SUGP2: variants seen among roughly 807,000 people sequenced by gnomAD.
SUGP2 encodes SURP and G-patch domain containing 2, also known as SURP and G-patch domain-containing protein 2.
In SUGP2, 24 loss-of-function variants were observed where a neutral mutation model predicts 90.5. The observed-to-expected ratio is 0.27, with a 90% confidence interval of 0.19 to 0.37. The LOEUF is 0.37. SUGP2 is among the 10% of genes least tolerant of loss of function. SUGP2 has a pLI of 1.00. For missense variants in SUGP2, 1,233 were observed against 1,363.3 expected, an observed-to-expected ratio of 0.90 and a Z score of 1.51; for synonymous variants, 473 against 513.4, an observed-to-expected ratio of 0.92 and a Z score of 1.06.
intron 5 of SUGP2, 102 bp from the exon 6 acceptor site, chr19:19,008,530 T>TCC: frequency 1.1e-6 from 1 of 901,912 alleles, no homozygotes. Context: ...GGCCTGCATG[T>TCC]CCCCTCCCTG....
At chr19:19,012,240 G>A (rs145162296) in intron 4 of SUGP2, among the ~76,000 whole-genome samples, 2 of 152,348 alleles carry the variant, frequency 1.3e-5, no homozygotes, top group East Asian at 3.8e-4. Flanking sequence ...GCCCTAATAA[G>A]CAATAGCGCT....
chr19:19,008,744 G>A (rs1043859984), intron 5 of SUGP2, among the ~76,000 whole-genome samples: 7 of 152,208 alleles, frequency 4.6e-5, no homozygotes, highest in Admixed American at 3.9e-4. Context: ...ATTGCCAGGT[G>A]AACAAACATG....
intron 6 of SUGP2, among the ~76,000 whole-genome samples, chr19:19,005,873 ACACACACACACACACACAC>A (rs1328669833): frequency 0.028 from 842 of 30,254 alleles, 12 homozygotes; most frequent in African/African-American, 0.093. Flanking sequence ...ACACACACAC[ACACACACACACACACACAC>A]CACACACACA....
At chr19:19,020,514 G>C (rs1047738067) in intron 3 of SUGP2, among the ~76,000 whole-genome samples, 2 of 150,532 alleles carry the variant, frequency 1.3e-5, no homozygotes. Context: ...TCCCATGACA[G>C]CTCACTGCAG....
At chr19:19,033,821 C>T (rs931981535), upstream of SUGP2, 2 of 268,994 alleles carry the variant, frequency 7.4e-6, no homozygotes, top group African/African-American at 2.2e-5. Flanking sequence ...GAGGCCAAGC[C>T]TAGGGGCGCC....
At chr19:19,028,218 C>T (rs1336525715) in intron 2 of SUGP2, among the ~76,000 whole-genome samples, 1 of 152,104 alleles carries the variant, frequency 6.6e-6, no homozygotes, top group South Asian at 2.1e-4. Flanking sequence ...TTTAAAAGGC[C>T]CCCAGGTGAC....
At chr19:19,006,071 A>G (rs995739570) in intron 6 of SUGP2, among the ~76,000 whole-genome samples, 9 of 152,080 alleles carry the variant, frequency 5.9e-5, no homozygotes, top group Non-Finnish European at 8.8e-5. Context: ...TCTACTAAAA[A>G]TACAAAAATT....
chr19:19,006,604 A>G (rs1295357804), intron 6 of SUGP2, among the ~76,000 whole-genome samples: 2 of 152,232 alleles, frequency 1.3e-5, no homozygotes, highest in African/African-American at 2.4e-5. Context: ...TGAAAAAGAA[A>G]AAAGGACTCA....
intron 3 of SUGP2, among the ~76,000 whole-genome samples, chr19:19,020,052 C>CA (rs1372384091): frequency 0.016 from 1,968 of 121,060 alleles, 50 homozygotes; most frequent in African/African-American, 0.043. Context: ...GACTCCATCA[C>CA]AAAAAAAAAT....
intron 8 of SUGP2, among the ~76,000 whole-genome samples, chr19:18,999,155 G>C (rs2057731019): frequency 6.6e-6 from 1 of 152,202 alleles, no homozygotes; most frequent in Non-Finnish European, 1.5e-5. Context: ...GTTCAAATCT[G>C]TGTTTAACAA....
chr19:19,011,382 A>G (rs1397511455), intron 4 of SUGP2, among the ~76,000 whole-genome samples: 2 of 151,922 alleles, frequency 1.3e-5, no homozygotes, highest in South Asian at 2.1e-4. Context: ...TCTTGGGCTC[A>G]AGGTAGCCAT....
chr19:18,994,918 C>T, intron 9 of SUGP2: 1 of 598,332 alleles, frequency 1.7e-6, no homozygotes, highest in South Asian at 2.1e-5. Context: ...CCAAAATGAC[C>T]AGGGCCAACA....
chr19:19,018,988 T>G, intron 4 of SUGP2, 121 bp downstream of exon 4: 1 of 1,163,754 alleles, frequency 8.6e-7, no homozygotes. Context: ...CATGCTCTTC[T>G]CACTGGAGAA....
chr19:19,028,935 C>T (rs1276773510), intron 2 of SUGP2, among the ~76,000 whole-genome samples: 3 of 152,190 alleles, frequency 2.0e-5, no homozygotes, highest in Admixed American at 2.0e-4. Context: ...GATCTGCCCA[C>T]CTTGGCCTCC....
chr19:19,004,437 C>T lies in SUGP2; in HGVS notation c.2660G>A (p.Ser887Asn). The change falls in exon 7 of 11, where the codon AGC becomes AAC. Residue 887 changes from serine (S) to asparagine (N), a missense_variant. Coordinates refer to ENST00000452918, the MANE Select transcript of SUGP2 (RefSeq NM_001017392.5). ...EPPPREAELESPEVMPEEEDE... is the reference protein window; with the variant it reads ...EPPPREAELENPEVMPEEEDE... ...CTCCTCCTCAGGCATCACCTCTGGGCTCTCCAGCTCAGCCTCCCGCGGAGG... is the reference window on the plus strand; with the variant it reads ...CTCCTCCTCAGGCATCACCTCTGGGTTCTCCAGCTCAGCCTCCCGCGGAGG... The T allele has an allele frequency of 6.2e-7, 1 of 1,614,214 alleles. No individual in the cohort carries two copies. Among genetic ancestry groups the T allele is most frequent in the Non-Finnish European group, 8.5e-7 (1 of 1,180,040 alleles).
intron 4 of SUGP2, among the ~76,000 whole-genome samples, chr19:19,018,768 T>C (rs1309615074): frequency 6.8e-6 from 1 of 146,448 alleles, no homozygotes; most frequent in Non-Finnish European, 1.5e-5. Context: ...ATATTAGCAA[T>C]AAATTGCAAA....
At chr19:19,019,836 A>T (rs539777957) in intron 3 of SUGP2, among the ~76,000 whole-genome samples, 21 of 132,204 alleles carry the variant, frequency 1.6e-4, no homozygotes, top group African/African-American at 7.1e-4. Context: ...TTCTCCAATT[A>T]AAAAAAAAAA....
Position 19,024,793 on chromosome 19 carries a change from C to T in SUGP2, c.1555G>A (p.Asp519Asn), listed in dbSNP as rs1020265155. 1.9e-6 allele frequency: 3 copies of T among 1,614,058 alleles called. No homozygotes were observed. The African/African-American group carries it at 4.0e-5, about 22-fold the overall frequency. ...PSPAAFPNFE[D>N]STLFGREYID... ...TACTCTCGCCCAAACAAAGTGGAGT[C>T]TTCGAAGTTTGGAAACGCAGCAGGT... is the stretch of plus-strand genomic sequence containing the variant. The change falls in exon 3 of 11, where the codon GAC becomes AAC. Residue 519 changes from aspartate (D) to asparagine (N), a missense_variant. Physicochemically the swap from Asp to Asn is conservative, Grantham distance 23. Coordinates refer to ENST00000452918, the MANE Select transcript of SUGP2 (RefSeq NM_001017392.5).
chr19:19,008,426 C>A lies in SUGP2; in HGVS notation c.2341G>T (p.Asp781Tyr). 6.2e-7 allele frequency: 1 copy of A among 1,612,964 alleles called. No homozygotes were observed. The highest frequency in any genetic ancestry group is 1.1e-5 in the South Asian group (1 of 91,060). ...TSSPCPSADIDMKTMETAEKL... is the reference protein window; with the variant it reads ...TSSPCPSADIYMKTMETAEKL... ...TCTGCAGTCTCCATTGTCTTCATGTCAACTACAAAACATAAAGCACCTGTC... is the reference window on the plus strand; with the variant it reads ...TCTGCAGTCTCCATTGTCTTCATGTAAACTACAAAACATAAAGCACCTGTC... Residue 781 changes from aspartate to tyrosine, a missense_variant and splice_region_variant, in exon 6 of 11, where the codon GAC becomes TAC. Physicochemically the swap from Asp to Tyr is radical, Grantham distance 160. Around this residue, in one of 8 missense-constraint regions of SUGP2, gnomAD observed 540 missense variants for 542.6 expected, o/e 1.00. Transcript: ENST00000452918.
Sources: gnomAD v4.1 joint callset for allele counts (sites outside exome capture counted in the v4.1 genomes callset) on GRCh38, gnomAD v4.1.1 for gene constraint, gnomAD v4.1.1 regional missense constraint, MANE v1.5 for transcripts, NCBI Gene and HGNC (gene_info 2026-07-23, HGNC 2026-07-21) for gene names.